The following KCNH1 variants were observed in gnomAD, a reference collection of about 807,000 sequenced individuals.
KCNH1 encodes potassium voltage-gated channel subfamily H member 1, also known as voltage-gated delayed rectifier potassium channel KCNH1.
Under a neutral mutation model 69.2 loss-of-function variants are expected in KCNH1, and 27 were observed. The observed-to-expected ratio is 0.39, with a 90% CI of 0.29 to 0.54. The LOEUF (loss-of-function observed/expected upper bound fraction) is 0.54. Among genes scored for constraint, KCNH1 ranks in the 20% least tolerant of loss-of-function variants. KCNH1 has a pLI of 0.68. For missense variants in KCNH1, 798 were observed against 1,261.6 expected, an observed-to-expected ratio of 0.63 and a Z score of 5.57; for synonymous variants, 456 against 487.7, an observed-to-expected ratio of 0.93 and a Z score of 0.86.
At chr1:210,777,795 T>C (rs1683891681) in intron 9 of KCNH1, among the ~76,000 whole-genome samples, 1 of 152,166 alleles carries the variant, frequency 6.6e-6, no homozygotes, top group Admixed American at 6.5e-5. Flanking sequence ...GGTACACACA[T>C]GCTGCAACTC....
At chr1:210,982,749 T>C (rs1014955915) in intron 6 of KCNH1, among the ~76,000 whole-genome samples, 3 of 152,228 alleles carry the variant, frequency 2.0e-5, no homozygotes, top group African/African-American at 4.8e-5. Context: ...TGTGTCTTTA[T>C]AGCAGCATGA....
intron 10 of KCNH1, among the ~76,000 whole-genome samples, chr1:210,690,656 G>C (rs1316203597): frequency 6.6e-6 from 1 of 152,200 alleles, no homozygotes; most frequent in Non-Finnish European, 1.5e-5. Flanking sequence ...CCCTCAGAAA[G>C]ATCACTTCTG....
At chr1:210,900,359 C>T (rs997415272) in intron 7 of KCNH1, among the ~76,000 whole-genome samples, 2 of 152,192 alleles carry the variant, frequency 1.3e-5, no homozygotes, top group East Asian at 3.9e-4. Flanking sequence ...AGCAGAAAGG[C>T]ATTTACAAGT....
At chr1:210,883,645 A>G (rs546416582) in intron 7 of KCNH1, among the ~76,000 whole-genome samples, 223 of 152,366 alleles carry the variant, frequency 1.5e-3, no homozygotes, top group African/African-American at 5.2e-3. Context: ...ATTATATTTT[A>G]TACTTCATAG....
intron 10 of KCNH1, among the ~76,000 whole-genome samples, chr1:210,726,653 C>G (rs192925695): frequency 7.2e-4 from 110 of 152,334 alleles, no homozygotes; most frequent in African/African-American, 2.6e-3. Flanking sequence ...TCAGCAACCT[C>G]AGATGCAGGA....
chr1:210,883,497 C>T (rs1686539999), intron 7 of KCNH1, among the ~76,000 whole-genome samples: 1 of 152,170 alleles, frequency 6.6e-6, no homozygotes, highest in African/African-American at 2.4e-5. Context: ...GCTTCATGTC[C>T]TGTTATGGGA....
chr1:210,797,124 C>T (rs1684331195), intron 9 of KCNH1, among the ~76,000 whole-genome samples: 1 of 152,160 alleles, frequency 6.6e-6, no homozygotes, highest in Non-Finnish European at 1.5e-5. Flanking sequence ...TAGGATACTT[C>T]ATCCCTTCTC....
At chr1:210,844,227 A>G (rs907785190) in intron 7 of KCNH1, among the ~76,000 whole-genome samples, 2 of 152,214 alleles carry the variant, frequency 1.3e-5, no homozygotes, top group African/African-American at 2.4e-5. Context: ...CTGGCATTCA[A>G]ATAGGTTTCT....
At chr1:210,732,849 C>T (rs993323377) in intron 10 of KCNH1, among the ~76,000 whole-genome samples, 1 of 152,278 alleles carries the variant, frequency 6.6e-6, no homozygotes, top group East Asian at 1.9e-4. Flanking sequence ...AATCGCCTCT[C>T]AAAGGGCCTA....
At chr1:210,707,193 AG>A (rs1681936219) in intron 10 of KCNH1, among the ~76,000 whole-genome samples, 1 of 152,154 alleles carries the variant, frequency 6.6e-6, no homozygotes, top group African/African-American at 2.4e-5. Flanking sequence ...ATCCATGTCC[AG>A]GATGGGTGGG....
chr1:210,874,050 C>G (rs1686312509), intron 7 of KCNH1, among the ~76,000 whole-genome samples: 1 of 151,994 alleles, frequency 6.6e-6, no homozygotes, highest in African/African-American at 2.4e-5. Flanking sequence ...GCCAATGAAG[C>G]ACAAAGAAAA....
At chr1:210,716,801 C>CAAAG (rs1682265438) in intron 10 of KCNH1, among the ~76,000 whole-genome samples, 1 of 152,136 alleles carries the variant, frequency 6.6e-6, no homozygotes. Context: ...TAGGGCTCTG[C>CAAAG]AAAGAGTAGG....
At chr1:211,037,564 A>T (rs1689920823) in intron 5 of KCNH1, among the ~76,000 whole-genome samples, 1 of 148,236 alleles carries the variant, frequency 6.7e-6, no homozygotes, top group Admixed American at 6.8e-5. Flanking sequence ...GAACCCCTGA[A>T]TGATAGCAAC....
At chr1:210,921,471 A>C (rs1411787519) in intron 6 of KCNH1, among the ~76,000 whole-genome samples, 1 of 152,218 alleles carries the variant, frequency 6.6e-6, no homozygotes, top group East Asian at 1.9e-4. Flanking sequence ...CTTTAATAAC[A>C]ACACTCCAAG....
At chr1:210,948,725 C>A (rs1053868536) in intron 6 of KCNH1, among the ~76,000 whole-genome samples, 1 of 151,250 alleles carries the variant, frequency 6.6e-6, no homozygotes, top group Admixed American at 6.6e-5. Flanking sequence ...CCCAGCTACT[C>A]GGGAGGCTAA....
At chr1:210,801,063 T>C (rs1001157253) in intron 8 of KCNH1, among the ~76,000 whole-genome samples, 3 of 152,136 alleles carry the variant, frequency 2.0e-5, no homozygotes, top group African/African-American at 7.2e-5. Flanking sequence ...GCCTGTGAGC[T>C]CTCATTTTTG....
chr1:210,871,615 C>T (rs192780763), intron 7 of KCNH1, among the ~76,000 whole-genome samples: 26 of 151,980 alleles, frequency 1.7e-4, no homozygotes, highest in South Asian at 4.2e-4. Context: ...ATGTTTATTG[C>T]GGCATTATTC....
intron 6 of KCNH1, among the ~76,000 whole-genome samples, chr1:210,962,638 T>C (rs1479231495): frequency 6.6e-6 from 1 of 151,976 alleles, no homozygotes; most frequent in Non-Finnish European, 1.5e-5. Context: ...TACCACCCAA[T>C]GGAATTTTAT....
At chr1:210,986,770 G>C (rs976718489) in intron 6 of KCNH1, among the ~76,000 whole-genome samples, 2 of 152,280 alleles carry the variant, frequency 1.3e-5, no homozygotes, top group Non-Finnish European at 2.9e-5. Context: ...TCTTGGAGTT[G>C]CTCTTCTCGA....
Sources: gnomAD v4.1 joint callset for allele counts (sites outside exome capture counted in the v4.1 genomes callset) on GRCh38, gnomAD v4.1.1 for gene constraint, MANE v1.5 for transcripts, NCBI Gene and HGNC (gene_info 2026-07-23, HGNC 2026-07-21) for gene names.